The following TMEM150B variants were observed in gnomAD, a reference collection of about 807,000 sequenced individuals.
TMEM150B encodes transmembrane protein 150B, also known as modulator of macroautophagy TMEM150B.
Under a neutral mutation model 25.2 loss-of-function variants are expected in TMEM150B, and 33 were observed. The observed-to-expected ratio is 1.31, with a 90% CI of 0.99 to 1.75. The LOEUF is 1.75. Among genes scored for constraint, TMEM150B ranks in the 40% most tolerant of loss-of-function variants. The pLI, the probability that TMEM150B is intolerant of heterozygous loss-of-function variation, is 0.00. For missense variants in TMEM150B, 322 were observed against 306.1 expected, an observed-to-expected ratio of 1.05 and a Z score of -0.39; for synonymous variants, 133 against 134.8, an observed-to-expected ratio of 0.99 and a Z score of 0.09.
chr19:55,312,739 C>T (rs1320431806), downstream of TMEM150B: 16 of 1,161,890 alleles, frequency 1.4e-5, no homozygotes, highest in African/African-American at 3.2e-5. Flanking sequence ...GGTCAGTCAG[C>T]GGCAGCCCCA....
intron 7 of TMEM150B, among the ~76,000 whole-genome samples, chr19:55,314,321 C>T (rs79835460): frequency 1.1e-3 from 173 of 152,248 alleles, no homozygotes; most frequent in East Asian, 6.8e-3. Context: ...AATGCCTGAC[C>T]GTAAACTTCC....
chr19:55,320,095 T>C lies in TMEM150B; in HGVS notation c.268A>G (p.Ile90Val), dbSNP rs529032256. 1 of 1,613,950 alleles carries C rather than the reference T, an allele frequency of 6.2e-7. No homozygotes were observed. The highest frequency in any genetic ancestry group is 1.1e-5 in the South Asian group (1 of 91,050). ...WGVRRWPNQL[I>V]LWTGLLCALG... The stretch of plus-strand genomic sequence containing the variant: ...GCACACAGAAGACCCGTCCATAGGA[T>C]CAGCTGGTTAGGCCACCTTCTGACG... Residue 90 changes from isoleucine to valine, a missense_variant, in exon 6 of 8, where the codon ATC (isoleucine) becomes GTC (valine). Ile to Val is a conservative substitution (Grantham distance 29). Transcript: ENST00000326652.
intron 6 of TMEM150B, among the ~76,000 whole-genome samples, chr19:55,318,926 G>C (rs1237118574): frequency 6.6e-6 from 1 of 151,770 alleles, no homozygotes; most frequent in Non-Finnish European, 1.5e-5. Context: ...TCCCACCTCA[G>C]CCTCCTGCAT....
At chr19:55,323,528 A>G (rs1015382023) in intron 1 of TMEM150B, among the ~76,000 whole-genome samples, 1 of 150,438 alleles carries the variant, frequency 6.6e-6, no homozygotes, top group Non-Finnish European at 1.5e-5. Flanking sequence ...TTTGAGACAG[A>G]GTCTCCCTCT....
At chr19:55,317,884 C>T (rs1386305759) in intron 6 of TMEM150B, among the ~76,000 whole-genome samples, 2 of 151,586 alleles carry the variant, frequency 1.3e-5, no homozygotes, top group African/African-American at 2.4e-5. Context: ...GCCCAGGAAG[C>T]AGAGGTTGTA....
intron 7 of TMEM150B, among the ~76,000 whole-genome samples, chr19:55,313,634 C>T (rs1238418962): frequency 1.3e-5 from 2 of 152,156 alleles, no homozygotes; most frequent in South Asian, 2.1e-4. Flanking sequence ...TCTCTTCATC[C>T]TTCTTGGCCA....
intron 2 of TMEM150B, among the ~76,000 whole-genome samples, chr19:55,322,346 T>C (rs941181969): frequency 6.6e-6 from 1 of 152,112 alleles, no homozygotes; most frequent in Non-Finnish European, 1.5e-5. Context: ...GGGCTGAAGC[T>C]GGGCCCCTCT....
intron 6 of TMEM150B, 25 bp downstream of exon 6, chr19:55,320,014 A>C: frequency 2.5e-6 from 4 of 1,613,746 alleles, no homozygotes; most frequent in East Asian, 2.2e-5. Flanking sequence ...GCCGGGACAG[A>C]CCCTGGGCGC....
chr19:55,311,902 C>T (rs746582313), downstream of TMEM150B: 19 of 1,611,170 alleles, frequency 1.2e-5, no homozygotes, highest in Non-Finnish European at 1.4e-5. Context: ...ACCTCTTCCT[C>T]CCTTGCAGAC....
chr19:55,322,440 C>T (rs754628656), intron 2 of TMEM150B, among the ~76,000 whole-genome samples: 6 of 152,128 alleles, frequency 3.9e-5, no homozygotes, highest in African/African-American at 9.7e-5. Context: ...ATTGTGGCCA[C>T]GGCCTCTGGG....
chr19:55,310,822 G>A (rs1379215934), downstream of TMEM150B, among the ~76,000 whole-genome samples: 4 of 152,094 alleles, frequency 2.6e-5, no homozygotes, highest in Non-Finnish European at 5.9e-5. The surrounding 1 kb of genome is among the most constrained non-coding windows in gnomAD (Gnocchi z 5.0). Flanking sequence ...CAGCAACCAG[G>A]GGTCTCAAAA....
downstream of TMEM150B, among the ~76,000 whole-genome samples, chr19:55,309,979 TGAAAG>T (rs2088746834): frequency 6.6e-6 from 1 of 152,138 alleles, no homozygotes; most frequent in Admixed American, 6.5e-5. Context: ...TGGACCCCGT[TGAAAG>T]GAAACGGCCC....
At chr19:55,320,869 G>T in intron 3 of TMEM150B, 100 bp downstream of exon 3, 2 of 1,396,390 alleles carry the variant, frequency 1.4e-6, no homozygotes, top group Non-Finnish European at 1.9e-6. Context: ...CAGATCCAGG[G>T]ATCCAGGCCC....
At chr19:55,314,455 G>T (rs1057413787) in intron 7 of TMEM150B, among the ~76,000 whole-genome samples, 1 of 152,140 alleles carries the variant, frequency 6.6e-6, no homozygotes, top group African/African-American at 2.4e-5. Context: ...CTCGGTGCGT[G>T]TACCTGCAGT....
At chr19:55,315,915 G>A (rs2088983883) in intron 7 of TMEM150B, among the ~76,000 whole-genome samples, 1 of 152,180 alleles carries the variant, frequency 6.6e-6, no homozygotes, top group South Asian at 2.1e-4. Context: ...GGGCGACAGA[G>A]CAAGACTCTG....
In TMEM150B at chr19:55,320,288, G is replaced by C; in HGVS notation, c.196+103C>G. On this transcript the variant is annotated intron_variant, in intron 5 of 7. Transcript: ENST00000326652. ...GGCAAACTCCCGGATTTTGGGGAAA[G>C]AGGGGCCTGGGGCATGGACTCCTGG... is the stretch of plus-strand genomic sequence containing the variant. 3.3e-6 allele frequency: 5 copies of C among 1,506,948 alleles called. No individual in the cohort carries two copies. The South Asian group carries it at 5.2e-5, about 16-fold the overall frequency. 93.3% of individuals were successfully genotyped at this position (1,506,948 alleles called of 1,614,324 possible).
At chr19:55,312,795 C>T (rs1183856569), downstream of TMEM150B, 25 of 1,471,470 alleles carry the variant, frequency 1.7e-5, no homozygotes, top group Middle Eastern at 2.4e-4. Flanking sequence ...GGGTGCGGGG[C>T]ACTGGGATTG....
Position 55,320,626 on chromosome 19 carries a change from G to A in TMEM150B, c.69-9C>T. 1 of 1,613,876 alleles carries A rather than the reference G, an allele frequency of 6.2e-7. No individual in the cohort carries two copies. The highest frequency in any genetic ancestry group is 1.1e-5 in the South Asian group (1 of 91,082). ...TCACTGCAATGGCAAAACTACGGAG[G>A]AAATCAGAGTGAGTGGGCGACTCTC... On this transcript the variant is annotated splice_polypyrimidine_tract_variant and intron_variant, in intron 3 of 7. Transcript: ENST00000326652.
chr19:55,310,285 T>C (rs2088755072), downstream of TMEM150B, among the ~76,000 whole-genome samples: 1 of 152,174 alleles, frequency 6.6e-6, no homozygotes, highest in Non-Finnish European at 1.5e-5. This position sits in a 1 kb window ranked among gnomAD's most constrained non-coding sequence, Gnocchi z 5.0. Context: ...TTTCCTTGTG[T>C]GTTCCAGTTC....
Sources: allele counts gnomAD v4.1 joint callset (sites outside exome capture counted in the v4.1 genomes callset), GRCh38; gene constraint gnomAD v4.1.1; non-coding constraint Gnocchi (gnomAD v3.1); transcripts MANE v1.5; gene names NCBI Gene and HGNC (gene_info 2026-07-23, HGNC 2026-07-21).